The following SIL1 variants were observed in gnomAD, a reference collection of about 807,000 sequenced individuals.
The protein encoded by SIL1 is nucleotide exchange factor SIL1.
SIL1 carries 40 observed loss-of-function variants against 49.1 expected under a neutral mutation model. The observed-to-expected ratio is 0.81, with a 90% CI of 0.63 to 1.06. The LOEUF (loss-of-function observed/expected upper bound fraction) is 1.06, where lower values mean the gene tolerates loss of function less well. Among genes scored for constraint, SIL1 ranks in the 50% least tolerant of loss-of-function variants. SIL1 has a pLI of 0.00. For missense variants in SIL1, 500 were observed against 572.6 expected, an observed-to-expected ratio of 0.87 and a Z score of 1.29; for synonymous variants, 253 against 250.8, an observed-to-expected ratio of 1.01 and a Z score of -0.08.
intron 3 of SIL1, among the ~76,000 whole-genome samples, chr5:139,058,031 A>G (rs997311021): frequency 2.6e-5 from 4 of 152,378 alleles, no homozygotes; most frequent in African/African-American, 9.6e-5. Context: ...AATGTCCATC[A>G]TGTGATAAAT....
chr5:139,171,408 C>G (rs968258331), intron 1 of SIL1, among the ~76,000 whole-genome samples: 1 of 152,070 alleles, frequency 6.6e-6, no homozygotes, highest in Non-Finnish European at 1.5e-5. Context: ...TACCCCCAAC[C>G]CTGTGCTCTC....
At chr5:139,168,297 A>G (rs1751663977) in intron 1 of SIL1, among the ~76,000 whole-genome samples, 4 of 152,222 alleles carry the variant, frequency 2.6e-5, no homozygotes, top group Admixed American at 2.6e-4. Flanking sequence ...AAACAACTGA[A>G]GCCTTGCAAC....
chr5:139,122,428 AC>A (rs1396594526), intron 2 of SIL1, among the ~76,000 whole-genome samples: 1 of 152,052 alleles, frequency 6.6e-6, no homozygotes, highest in African/African-American at 2.4e-5. Context: ...CCCCACCTCT[AC>A]AAAAAATACA....
intron 7 of SIL1, among the ~76,000 whole-genome samples, chr5:138,969,813 C>G (rs12719517): frequency 6.6e-6 from 1 of 152,132 alleles, no homozygotes; most frequent in East Asian, 1.9e-4. Context: ...GAATCTGCCA[C>G]AGAGAGACAT....
At chr5:139,074,415 A>T (rs547648919) in intron 3 of SIL1, among the ~76,000 whole-genome samples, 36 of 152,366 alleles carry the variant, frequency 2.4e-4, no homozygotes, top group South Asian at 2.1e-3. Context: ...TTTCCTGTCA[A>T]TTTTTAACAA....
At chr5:139,114,216 A>G (rs1024022370) in intron 3 of SIL1, among the ~76,000 whole-genome samples, 1 of 152,342 alleles carries the variant, frequency 6.6e-6, no homozygotes, top group South Asian at 2.1e-4. Context: ...AGTGGCTGCC[A>G]TGGAGGTTGC....
chr5:139,125,390 A>G (rs1581119219), intron 2 of SIL1, among the ~76,000 whole-genome samples: 1 of 152,362 alleles, frequency 6.6e-6, no homozygotes, highest in East Asian at 1.9e-4. Flanking sequence ...TTGTATCCGA[A>G]TAAGAGATTC....
In SIL1 at chr5:138,976,063, C is replaced by T. The variant is rs1296789230; in HGVS notation, c.768-24179G>A. On this transcript the variant is annotated intron_variant, in intron 7 of 9. Transcript: ENST00000394817. ...TCCATAGAAGAACCAAACCTGGTGT[C>T]AGGGCCAGAGGCCACCAAAGGCCCT... 2.0e-5 allele frequency among the ~76,000 whole-genome samples: 3 copies of T among 152,230 alleles called. No individual in the cohort carries two copies. The East Asian group carries it at 5.8e-4, about 29-fold the overall frequency.
At chr5:139,116,198 A>C (rs534612965) in intron 3 of SIL1, among the ~76,000 whole-genome samples, 29 of 152,358 alleles carry the variant, frequency 1.9e-4, no homozygotes, top group African/African-American at 6.7e-4. Context: ...AGGTTTTTAA[A>C]ATTCAATTCC....
intron 7 of SIL1, among the ~76,000 whole-genome samples, chr5:138,959,133 G>T (rs1040339180): frequency 2.6e-5 from 4 of 152,020 alleles, no homozygotes; most frequent in African/African-American, 9.7e-5. Flanking sequence ...CTTTTCCCGT[G>T]CCAGCCATGG....
At chr5:139,159,002 A>AG (rs1174391868) in intron 1 of SIL1, among the ~76,000 whole-genome samples, 1 of 152,164 alleles carries the variant, frequency 6.6e-6, no homozygotes, top group East Asian at 1.9e-4. Flanking sequence ...ATAATACCCT[A>AG]GAACTAATCA....
intron 3 of SIL1, among the ~76,000 whole-genome samples, chr5:139,093,307 G>A (rs539481334): frequency 4.6e-5 from 7 of 152,298 alleles, no homozygotes; most frequent in African/African-American, 1.4e-4. Context: ...ATGCTCTTTA[G>A]AAATTACCCA....
chr5:138,988,665 T>C (rs1332690422), intron 7 of SIL1, among the ~76,000 whole-genome samples: 1 of 152,142 alleles, frequency 6.6e-6, no homozygotes, highest in Non-Finnish European at 1.5e-5. Context: ...ATATTCAAGA[T>C]ACAGTGCTAC....
chr5:139,168,800 T>C (rs1013397748), intron 1 of SIL1, among the ~76,000 whole-genome samples: 3 of 151,666 alleles, frequency 2.0e-5, no homozygotes, highest in Non-Finnish European at 4.4e-5. Flanking sequence ...CAAAACCCCA[T>C]CTCTACAAAA....
intron 3 of SIL1, among the ~76,000 whole-genome samples, chr5:139,114,985 A>T (rs994997935): frequency 3.3e-5 from 5 of 152,336 alleles, no homozygotes; most frequent in Admixed American, 1.3e-4. Context: ...CTTAGGCATG[A>T]AGTGTCCTGA....
chr5:139,088,778 T>C (rs545500912), intron 3 of SIL1, among the ~76,000 whole-genome samples: 8 of 152,358 alleles, frequency 5.3e-5, no homozygotes, highest in Admixed American at 5.2e-4. Flanking sequence ...GAGCCAGGCA[T>C]GGATATAAAA....
intron 7 of SIL1, among the ~76,000 whole-genome samples, chr5:138,956,927 C>A (rs1481326456): frequency 6.6e-6 from 1 of 152,048 alleles, no homozygotes; most frequent in Non-Finnish European, 1.5e-5. Context: ...CCTGTATGGC[C>A]TCAGGAGTTC....
chr5:138,956,578 T>C (rs1274121416), intron 7 of SIL1, among the ~76,000 whole-genome samples: 1 of 151,912 alleles, frequency 6.6e-6, no homozygotes, highest in Non-Finnish European at 1.5e-5. Context: ...ACCCCGTCTC[T>C]ACTAAAAATA....
At chr5:139,112,273 CGAG>C (rs1770869737) in intron 3 of SIL1, among the ~76,000 whole-genome samples, 1 of 151,298 alleles carries the variant, frequency 6.6e-6, no homozygotes, top group African/African-American at 2.4e-5. Flanking sequence ...CCACCCCGTC[CGAG>C]AAGTGAGGAG....
Sources: allele counts gnomAD v4.1 joint callset (sites outside exome capture counted in the v4.1 genomes callset), GRCh38; gene constraint gnomAD v4.1.1; transcripts MANE v1.5; gene names NCBI Gene and HGNC (gene_info 2026-07-23, HGNC 2026-07-21).